Variants in AANAT observed in about 807,000 individuals in gnomAD.
AANAT encodes the protein aralkylamine N-acetyltransferase, also known as serotonin N-acetyltransferase.
AANAT carries 11 observed loss-of-function variants against 15.6 expected under a neutral mutation model. That is an observed-to-expected ratio of 0.71 (90% CI 0.44 to 1.17). The LOEUF (loss-of-function observed/expected upper bound fraction) is 1.17. Among genes scored for constraint, AANAT ranks in the 50% most tolerant of loss-of-function variants. AANAT has a pLI of 0.00. For missense variants in AANAT, 286 were observed against 296.3 expected (o/e 0.97, Z 0.26); for synonymous variants, 139 against 131.5 (o/e 1.06, Z -0.39).
chr17:76,454,990 G>A (rs544460144), intron 1 of AANAT, among the ~76,000 whole-genome samples: 89 of 152,210 alleles, frequency 5.8e-4, no homozygotes, highest in African/African-American at 1.9e-3. Flanking sequence ...AGCCGGGCGC[G>A]GTGGCAGCCG....
intron 1 of AANAT, among the ~76,000 whole-genome samples, chr17:76,458,034 T>C (rs1209261307): frequency 1.3e-5 from 2 of 152,142 alleles, no homozygotes; most frequent in Non-Finnish European, 2.9e-5. Flanking sequence ...AGACTCCGTC[T>C]TGAAAAAGAA....
intron 1 of AANAT, 95 bp from the exon 2 acceptor site, chr17:76,468,577 C>T: frequency 2.6e-6 from 3 of 1,141,454 alleles, no homozygotes; most frequent in Non-Finnish European, 3.6e-6. Context: ...TGTCTCCACC[C>T]CAGTTCCTGC....
chr17:76,463,865 G>A (rs757367021), upstream of AANAT, among the ~76,000 whole-genome samples: 1 of 152,132 alleles, frequency 6.6e-6, no homozygotes, highest in African/African-American at 2.4e-5. Flanking sequence ...TTACTGTCAT[G>A]ATATCAGTTA....
chr17:76,466,122 C>T (rs912667955), upstream of AANAT: 29 of 1,479,846 alleles, frequency 2.0e-5, no homozygotes, highest in Admixed American at 3.9e-5. Flanking sequence ...ACAGCAGGCT[C>T]TTCTCAGGCA....
At position 76,469,817 on chromosome 17, in the gene AANAT, G is replaced by A. The variant is rs143751627; in HGVS notation, c.471G>A (p.Ala157=). 1.1e-3 allele frequency: 1,705 copies of A among 1,604,586 alleles called. 20 individuals carry two copies. Among genetic ancestry groups the A allele is most frequent in the Non-Finnish European group, 4.2e-4 (495 of 1,176,708 alleles). Residue 157 remains alanine, a synonymous_variant, in exon 4 of 4, where the codon GCG becomes GCA. Coordinates refer to ENST00000392492, the MANE Select transcript of AANAT (RefSeq NM_001088.3). This position sits in a 1 kb window ranked among gnomAD's most constrained non-coding sequence, Gnocchi z 5.2. ...GCCAGCCGGCCGTGCGCCGGGCCGC[G>A]CTCATGTGCGAGGACGCGCTGGTAC... ...LGSQPAVRRA[A]LMCEDALVPF... is the part of the protein sequence containing the mutation.
chr17:76,462,388 G>C (rs909644477), exon 3 of AANAT: 10 of 152,208 alleles, frequency 6.6e-5, no homozygotes, highest in African/African-American at 2.4e-4. Context: ...TACCCGCAGT[G>C]GGCAGGACTG....
rs1246181674 is a variant in AANAT at position 76,469,513 on chromosome 17, G to A, written c.319-152G>A. The stretch of plus-strand genomic sequence containing the variant: ...TCAAGTTTTCTCCATGGGGTTGGGG[G>A]TATGGCTCCCAATTTGGGGCCCTCC... On this transcript the variant is annotated intron_variant, in intron 3 of 3. Coordinates refer to ENST00000392492, the MANE Select transcript of AANAT (RefSeq NM_001088.3). This position sits in a 1 kb window ranked among gnomAD's most constrained non-coding sequence, Gnocchi z 5.2. The A allele has an allele frequency of 5.0e-6, 6 of 1,204,934 alleles. No homozygotes were observed. The highest frequency in any genetic ancestry group is 1.5e-5 in the African/African-American group (1 of 65,006). The allele number at this position is 1,204,934 out of a possible 1,614,324, so 74.6% of individuals were successfully genotyped here.
upstream of AANAT, among the ~76,000 whole-genome samples, chr17:76,463,334 G>GTTTT: frequency 1.3e-5 from 1 of 75,408 alleles, no homozygotes; most frequent in Non-Finnish European, 2.5e-5. Context: ...TTGAGATACA[G>GTTTT]TCTTGCTCTG....
intron 1 of AANAT, among the ~76,000 whole-genome samples, chr17:76,454,705 C>T (rs1370617530): frequency 6.6e-6 from 1 of 151,918 alleles, no homozygotes; most frequent in Non-Finnish European, 1.5e-5. Flanking sequence ...CACCTGTAGT[C>T]CCAGCTACTT....
chr17:76,454,321 G>A (rs1394859184), intron 1 of AANAT, among the ~76,000 whole-genome samples: 21 of 115,464 alleles, frequency 1.8e-4, no homozygotes, highest in African/African-American at 6.7e-4. Flanking sequence ...CTAAAAATAC[G>A]GAAAAAAAAA....
chr17:76,456,190 G>A (rs1013929133), intron 1 of AANAT, among the ~76,000 whole-genome samples: 2 of 151,732 alleles, frequency 1.3e-5, no homozygotes, highest in South Asian at 4.2e-4. Flanking sequence ...AATTAGCCAG[G>A]CATGGTAGCC....
chr17:76,469,394 G>T lies in AANAT; in HGVS notation c.318+67G>T. 1 of 1,593,698 alleles carries T rather than the reference G, an allele frequency of 6.3e-7. No individual in the cohort carries two copies. Among genetic ancestry groups the T allele is most frequent in the South Asian group, 1.1e-5 (1 of 89,464 alleles). ...GAAGACAGAGGTCAGCCAGATGGCGGGGAGGGGAGCCCAGGGGCTGGGATT... is the reference window on the plus strand; with the variant it reads ...GAAGACAGAGGTCAGCCAGATGGCGTGGAGGGGAGCCCAGGGGCTGGGATT... On this transcript the variant is annotated intron_variant, in intron 3 of 3. Coordinates refer to ENST00000392492, the MANE Select transcript of AANAT (RefSeq NM_001088.3). The surrounding 1 kb of genome is among the most constrained non-coding windows in gnomAD (Gnocchi z 5.2).
intron 1 of AANAT, among the ~76,000 whole-genome samples, chr17:76,454,594 C>T (rs2073320428): frequency 6.7e-6 from 1 of 150,370 alleles, no homozygotes; most frequent in African/African-American, 2.5e-5. Flanking sequence ...GCAGATGGAT[C>T]ACCTGATCAC....
In AANAT at chr17:76,469,883, C is replaced by T. The variant is rs774665089; in HGVS notation, c.537C>T (p.Cys179=). Residue 179 remains cysteine (C), a synonymous_variant, in exon 4 of 4, where the codon TGC becomes TGT. Transcript: ENST00000392492. This position sits in a 1 kb window ranked among gnomAD's most constrained non-coding sequence, Gnocchi z 5.2. ...TCAGCTTCCACGCCGTGGGCCCCTG[C>T]GCCATCACCGTGGGCTCCCTCACCT... is the stretch of plus-strand genomic sequence containing the variant. The part of the protein sequence containing the change: ...ERFSFHAVGP[C]AITVGSLTFM... 9.5e-6 allele frequency: 15 copies of T among 1,582,274 alleles called. No individual in the cohort carries two copies. Among genetic ancestry groups the T allele is most frequent in the African/African-American group, 4.0e-5 (3 of 74,340 alleles).
chr17:76,468,207 G>A (rs1598640015), intron 1 of AANAT, among the ~76,000 whole-genome samples: 1 of 152,190 alleles, frequency 6.6e-6, no homozygotes, highest in East Asian at 1.9e-4. Context: ...CCTCCCTCTG[G>A]GGAGGTAAGA....
upstream of AANAT, chr17:76,466,082 T>A: frequency 9.7e-6 from 11 of 1,128,276 alleles, no homozygotes; most frequent in Non-Finnish European, 1.4e-5. Context: ...CAGGGCCATG[T>A]GGAAGTCAGC....
chr17:76,469,977 C>T lies in AANAT; in HGVS notation c.*7C>T. 1.4e-6 allele frequency: 2 copies of T among 1,461,214 alleles called. No individual in the cohort carries two copies. Among genetic ancestry groups the T allele is most frequent in the East Asian group, 2.5e-5 (1 of 39,262 alleles). The allele number at this position is 1,461,214 out of a possible 1,614,324, so 90.5% of individuals were successfully genotyped here. A position where few individuals can be genotyped will look rare whatever the true frequency, so the allele number is the denominator to read the frequency against. On this transcript the variant is annotated 3_prime_UTR_variant, in exon 4 of 4. Coordinates refer to ENST00000392492, the MANE Select transcript of AANAT (RefSeq NM_001088.3). The surrounding 1 kb of genome is among the most constrained non-coding windows in gnomAD (Gnocchi z 5.2). ...CAGGAACAGCGGCTGCTGAACTGGG[C>T]TGCCCACCTGGCTGCCAACATGATC...
intron 1 of AANAT, among the ~76,000 whole-genome samples, chr17:76,454,541 G>T (rs1036934834): frequency 6.6e-6 from 1 of 151,972 alleles, no homozygotes; most frequent in African/African-American, 2.4e-5. Flanking sequence ...AGGGCCAGGC[G>T]TGGTGGCTCA....
At chr17:76,468,035 C>A (rs1203777769) in intron 1 of AANAT, among the ~76,000 whole-genome samples, 1 of 152,060 alleles carries the variant, frequency 6.6e-6, no homozygotes, top group Admixed American at 6.5e-5. Context: ...CTCCCCACCC[C>A]CCACCACAAA....
Sources: allele counts gnomAD v4.1 joint callset (sites outside exome capture counted in the v4.1 genomes callset), GRCh38; gene constraint gnomAD v4.1.1; non-coding constraint Gnocchi (gnomAD v3.1); transcripts MANE v1.5; gene names NCBI Gene and HGNC (gene_info 2026-07-23, HGNC 2026-07-21).